Variants in MMP26 observed in about 807,000 individuals in gnomAD.
MMP26 encodes matrix metallopeptidase 26.
In MMP26, 33 loss-of-function variants were observed where a neutral mutation model predicts 31.0. That is an observed-to-expected ratio of 1.06 (90% CI 0.81 to 1.42). MMP26 has a LOEUF of 1.42. MMP26 is among the 40% of genes most tolerant of loss of function. The probability of loss-of-function intolerance (pLI) is 0.00; values close to 1 mark genes in which losing one functional copy is unlikely to be tolerated. For synonymous variants in MMP26, 122 were observed against 114.9 expected (o/e 1.06, Z -0.40); for missense variants, 347 against 316.1 (o/e 1.10, Z -0.74).
intron 2 of MMP26, chr11:4,877,005 A>G (rs897166809): frequency 6.5e-6 from 1 of 153,140 alleles, no homozygotes; most frequent in Admixed American, 6.5e-5. Flanking sequence ...TGCAGCAGCC[A>G]TCCTGCTACG....
chr11:4,860,180 G>A (rs745802588), intron 2 of MMP26: 7 of 470,816 alleles, frequency 1.5e-5, no homozygotes, highest in Admixed American at 4.7e-5. Context: ...AATGGGTTTC[G>A]GATGGCCACA....
At chr11:4,738,845 A>ATT (rs1172316797) in intron 1 of MMP26, among the ~76,000 whole-genome samples, 1 of 152,178 alleles carries the variant, frequency 6.6e-6, no homozygotes, top group African/African-American at 2.4e-5. Flanking sequence ...TTTATCATAC[A>ATT]TTATATATAT....
At chr11:4,936,442 A>T (rs1846113729) in intron 2 of MMP26, among the ~76,000 whole-genome samples, 1 of 152,014 alleles carries the variant, frequency 6.6e-6, no homozygotes, top group Non-Finnish European at 1.5e-5. Context: ...ATCATTTTTT[A>T]TTGTGTCTAT....
chr11:4,791,231 T>C (rs1360591520), intron 2 of MMP26, among the ~76,000 whole-genome samples: 1 of 152,206 alleles, frequency 6.6e-6, no homozygotes. Flanking sequence ...TGGTTAATAG[T>C]TGCGGCTATG....
At position 4,894,042 on chromosome 11, in the gene MMP26, G is replaced by GAT. The variant is rs1189697408; in HGVS notation, c.-144-94025_-144-94024dup. ...TAAAATATAAACATACAATTATTAAGATTGCTGATTAGTCTTTGCATATGT... is the reference window on the plus strand; with the variant it reads ...TAAAATATAAACATACAATTATTAAGATATTGCTGATTAGTCTTTGCATATGT... On this transcript the variant is annotated intron_variant, in intron 2 of 7. Coordinates refer to ENST00000380390, the MANE Select transcript of MMP26 (RefSeq NM_021801.5). 1.3e-4 allele frequency among the ~76,000 whole-genome samples: 20 copies of GAT among 152,150 alleles called. No homozygotes were observed. In the East Asian group the frequency reaches 3.9e-3, roughly 29 times the overall value.
intron 2 of MMP26, among the ~76,000 whole-genome samples, chr11:4,880,382 T>TGA (rs1850442806): frequency 6.6e-6 from 1 of 151,270 alleles, no homozygotes; most frequent in Admixed American, 6.6e-5. Flanking sequence ...AGGAAGAAGA[T>TGA]AAAGCAATAA....
intron 2 of MMP26, among the ~76,000 whole-genome samples, chr11:4,819,186 G>A (rs1028808471): frequency 1.3e-5 from 2 of 152,132 alleles, no homozygotes; most frequent in Admixed American, 1.3e-4. Context: ...AATCTAGATG[G>A]AAATGTCCAG....
At chr11:4,817,755 T>C (rs1849441124) in intron 2 of MMP26, among the ~76,000 whole-genome samples, 1 of 152,226 alleles carries the variant, frequency 6.6e-6, no homozygotes, top group Admixed American at 6.5e-5. Context: ...AGGAATCTCC[T>C]GGGAATTTCT....
chr11:4,915,313 G>C, intron 2 of MMP26: 2 of 1,613,988 alleles, frequency 1.2e-6, no homozygotes, highest in Non-Finnish European at 1.7e-6. Flanking sequence ...GTAGCACAGA[G>C]GACTCGAGGA....
At chr11:4,821,450 A>T (rs1443407221) in intron 2 of MMP26, 2 of 1,613,834 alleles carry the variant, frequency 1.2e-6, no homozygotes, top group South Asian at 1.1e-5. Flanking sequence ...ACCATTGCTG[A>T]GCCTCTGATC....
At chr11:4,892,698 AG>A (rs1424880639) in intron 2 of MMP26, among the ~76,000 whole-genome samples, 3 of 152,156 alleles carry the variant, frequency 2.0e-5, no homozygotes, top group Non-Finnish European at 4.4e-5. Context: ...TTTCAAAGAA[AG>A]TACTATCTAT....
At chr11:4,740,377 G>A (rs1848296042) in intron 1 of MMP26, among the ~76,000 whole-genome samples, 1 of 152,074 alleles carries the variant, frequency 6.6e-6, no homozygotes. Flanking sequence ...ACAGCAGGAG[G>A]ATTTACAAAG....
In MMP26 at chr11:4,905,734, T is replaced by C. The variant is rs146986156; in HGVS notation, c.-144-82334T>C. Among the ~76,000 whole-genome samples, 732 of 152,304 alleles carry C rather than the reference T, an allele frequency of 4.8e-3. 6 individuals are homozygous for C. The highest frequency in any genetic ancestry group is 0.015 in the African/African-American group (625 of 41,578). On this transcript the variant is annotated intron_variant, in intron 2 of 7. Transcript: ENST00000380390. ...ATATAGGCGGAATTTATAATGATTG[T>C]CTTAGAGATTTGTGTTTCTCTGACA...
chr11:4,916,750 A>G (rs1424701472), intron 2 of MMP26, among the ~76,000 whole-genome samples: 2 of 152,190 alleles, frequency 1.3e-5, no homozygotes, highest in African/African-American at 4.8e-5. Context: ...CTAGAGTAAG[A>G]CATCAAAGCC....
chr11:4,731,944 C>T (rs1378933303), intron 1 of MMP26, among the ~76,000 whole-genome samples: 1 of 152,126 alleles, frequency 6.6e-6, no homozygotes, highest in Non-Finnish European at 1.5e-5. Context: ...GTATGGGGTT[C>T]TCTGTTCCTC....
chr11:4,782,457 A>T (rs1267343109), intron 2 of MMP26, among the ~76,000 whole-genome samples: 1 of 152,230 alleles, frequency 6.6e-6, no homozygotes, highest in Non-Finnish European at 1.5e-5. Flanking sequence ...CAAAGCATTC[A>T]AGAGGAGACT....
intron 2 of MMP26, among the ~76,000 whole-genome samples, chr11:4,838,725 C>T (rs141433421): frequency 2.6e-5 from 4 of 152,166 alleles, no homozygotes; most frequent in Admixed American, 1.3e-4. Flanking sequence ...AGAAAGTTAT[C>T]GAGATTCAGA....
chr11:4,714,503 G>A (rs552119701), intron 1 of MMP26, among the ~76,000 whole-genome samples: 2 of 152,050 alleles, frequency 1.3e-5, no homozygotes, highest in South Asian at 2.1e-4. Flanking sequence ...CCAATATCAC[G>A]TGACTTCCAC....
intron 2 of MMP26, chr11:4,860,453 T>C (rs1850136049): frequency 2.1e-6 from 1 of 470,612 alleles, no homozygotes; most frequent in South Asian, 1.5e-5. Flanking sequence ...AGTGTGAGTG[T>C]GTAGAGAAAT....
Sources: allele counts gnomAD v4.1 joint callset (sites outside exome capture counted in the v4.1 genomes callset), GRCh38; gene constraint gnomAD v4.1.1; transcripts MANE v1.5; gene names NCBI Gene and HGNC (gene_info 2026-07-23, HGNC 2026-07-21).